MAST2: variants seen among roughly 807,000 people sequenced by gnomAD.
The protein encoded by MAST2 is microtubule-associated serine/threonine-protein kinase 2.
A neutral mutation model predicts 147.4 loss-of-function variants in MAST2; 70 were observed. The observed-to-expected ratio is 0.47, with a 90% confidence interval of 0.39 to 0.58. MAST2 has a LOEUF of 0.58. Ranked by LOEUF, MAST2 falls within the 20% of genes least tolerant of loss-of-function variation. The probability of loss-of-function intolerance (pLI) is 0.00; values close to 1 mark genes in which losing one functional copy is unlikely to be tolerated. For synonymous variants in MAST2, 869 were observed against 896.8 expected, an observed-to-expected ratio of 0.97 and a Z score of 0.55; for missense variants, 2,080 against 2,302.3, an observed-to-expected ratio of 0.90 and a Z score of 1.98.
At chr1:45,882,672 T>C (rs973880955) in intron 4 of MAST2, among the ~76,000 whole-genome samples, 32 of 152,376 alleles carry the variant, frequency 2.1e-4, no homozygotes, top group Non-Finnish European at 4.3e-4. Flanking sequence ...CACAGTCTTA[T>C]ACTTGTGCTT....
chr1:45,934,863 TG>T (rs1487423945), intron 4 of MAST2, among the ~76,000 whole-genome samples: 1 of 152,266 alleles, frequency 6.6e-6, no homozygotes, highest in African/African-American at 2.4e-5. Flanking sequence ...GATGAACATG[TG>T]AGTGCATATG....
chr1:46,023,590 T>C lies in MAST2; in HGVS notation c.1572-182T>C, dbSNP rs1557495346. 1.6e-6 allele frequency: 1 copy of C among 637,174 alleles called. No individual in the cohort carries two copies. Among genetic ancestry groups the C allele is most frequent in the Admixed American group, 2.9e-5 (1 of 34,906 alleles). The allele number at this position is 637,174 out of a possible 1,614,324, so 39.5% of individuals were successfully genotyped here. A position where few individuals can be genotyped will look rare whatever the true frequency, so the allele number is the denominator to read the frequency against. On this transcript the variant is annotated intron_variant, in intron 14 of 28. Transcript: ENST00000361297. This position sits in a 1 kb window ranked among gnomAD's most constrained non-coding sequence, Gnocchi z 4.9. Reference sequence around the variant, plus strand: ...ATTGAGCCGTGTCATCAGGACATGGTCTATCAAGAAGTTTAAGAGTTCTAT... The same window carrying C: ...ATTGAGCCGTGTCATCAGGACATGGCCTATCAAGAAGTTTAAGAGTTCTAT...
At chr1:45,881,003 A>G (rs1050308244) in intron 3 of MAST2, among the ~76,000 whole-genome samples, 5 of 151,848 alleles carry the variant, frequency 3.3e-5, no homozygotes, top group Admixed American at 6.6e-5. Context: ...AAGCAAATCT[A>G]TAAAATGTTT....
chr1:45,879,035 A>C (rs1409396790), intron 3 of MAST2, among the ~76,000 whole-genome samples: 1 of 151,972 alleles, frequency 6.6e-6, no homozygotes, highest in Non-Finnish European at 1.5e-5. Context: ...AAGTTAAAGG[A>C]CTGTACAATC....
At chr1:45,924,908 T>C (rs1654121120) in intron 4 of MAST2, among the ~76,000 whole-genome samples, 1 of 152,162 alleles carries the variant, frequency 6.6e-6, no homozygotes, top group South Asian at 2.1e-4. Context: ...AATGAGGTCA[T>C]AGAAGAAACC....
chr1:45,926,500 C>T (rs1478175510), intron 4 of MAST2, among the ~76,000 whole-genome samples: 3 of 152,210 alleles, frequency 2.0e-5, no homozygotes, highest in African/African-American at 7.2e-5. Context: ...TGCCCTCCTG[C>T]CCTCTCATGC....
At chr1:45,930,387 G>GT (rs916477476) in intron 4 of MAST2, among the ~76,000 whole-genome samples, 93 of 98,850 alleles carry the variant, frequency 9.4e-4, no homozygotes, top group Middle Eastern at 8.4e-3. Context: ...CCTGTTTTTT[G>GT]TTTTTTTTGT....
intron 4 of MAST2, among the ~76,000 whole-genome samples, chr1:45,941,050 G>A (rs955442614): frequency 1.3e-5 from 2 of 152,124 alleles, no homozygotes; most frequent in South Asian, 4.1e-4. Flanking sequence ...TGGTCTTAAG[G>A]TTTTAGCAGG....
Position 45,929,644 on chromosome 1 carries a change from A to AGGAT in MAST2, c.501-29739_501-29736dup. ...TCCTGATGGCCTCATTTTGGTAGAT[A>AGGAT]GGATGGGCTTAGGGCTAGAGAGTCC... On this transcript the variant is annotated intron_variant, in intron 4 of 28. Coordinates refer to ENST00000361297, the MANE Select transcript of MAST2 (RefSeq NM_015112.3). Among the ~76,000 whole-genome samples the AGGAT allele has an allele frequency of 3.3e-5, 5 of 152,320 alleles. No individual in the cohort carries two copies. The Middle Eastern group carries it at 0.014, about 414-fold the overall frequency.
intron 5 of MAST2, among the ~76,000 whole-genome samples, chr1:45,993,587 G>T (rs1256694803): frequency 1.3e-5 from 2 of 152,162 alleles, no homozygotes; most frequent in Non-Finnish European, 2.9e-5. Flanking sequence ...GGGAGGCTAA[G>T]GCAGGAGAAT....
chr1:45,923,920 G>A (rs1192764496), intron 4 of MAST2, among the ~76,000 whole-genome samples: 1 of 152,076 alleles, frequency 6.6e-6, no homozygotes, highest in Non-Finnish European at 1.5e-5. Context: ...CACCTAGGCT[G>A]GAGTGCAGTA....
chr1:45,961,695 G>A (rs1456690058), intron 5 of MAST2, among the ~76,000 whole-genome samples: 1 of 152,156 alleles, frequency 6.6e-6, no homozygotes, highest in African/African-American at 2.4e-5. Flanking sequence ...TACTTATCCA[G>A]CTGTTGAGAC....
In MAST2 at chr1:45,956,866, G is replaced by C. The variant is rs188941420; in HGVS notation, c.501-2520G>C. On this transcript the variant is annotated intron_variant, in intron 4 of 28. Coordinates refer to ENST00000361297, the MANE Select transcript of MAST2 (RefSeq NM_015112.3). ...TTGAGCACAGTTCATATCATCTCTT[G>C]GCATACATACCCAAAACATCTAGTG... Among the ~76,000 whole-genome samples, 77 of 152,166 alleles carry C rather than the reference G, an allele frequency of 5.1e-4. 2 individuals carry two copies. Among genetic ancestry groups the C allele is most frequent in the African/African-American group, 1.8e-3 (76 of 41,516 alleles).
chr1:46,016,761 A>G (rs980040111), intron 10 of MAST2, among the ~76,000 whole-genome samples: 1 of 152,254 alleles, frequency 6.6e-6, no homozygotes, highest in African/African-American at 2.4e-5. Context: ...GGTAATTTTT[A>G]TAGATTCAAC....
At chr1:45,936,055 C>T (rs1656142876) in intron 4 of MAST2, among the ~76,000 whole-genome samples, 1 of 152,122 alleles carries the variant, frequency 6.6e-6, no homozygotes, top group Non-Finnish European at 1.5e-5. Context: ...TTGTTTGTGT[C>T]ATTTCTGACT....
At chr1:45,897,619 G>A (rs1648956010) in intron 4 of MAST2, among the ~76,000 whole-genome samples, 2 of 152,144 alleles carry the variant, frequency 1.3e-5, no homozygotes, top group African/African-American at 4.8e-5. Flanking sequence ...GACCAGCCTG[G>A]GCAACATGGC....
rs1235468267 is a variant in MAST2 at position 46,006,375 on chromosome 1, G to A, written c.882G>A (p.Arg294=). ...AAGGACGGCAGTCCCCAGCCATGCG[G>A]CCTCGCTCCCGGAGCCTCAGGTGAG... ...DEEGRQSPAM[R]PRSRSLSPGR... is the part of the protein sequence containing the mutation. The change falls in exon 8 of 29, where the codon CGG becomes CGA. Residue 294 remains arginine, a synonymous_variant. Coordinates refer to ENST00000361297, the MANE Select transcript of MAST2 (RefSeq NM_015112.3). 13 of 1,613,082 alleles carry A rather than the reference G, an allele frequency of 8.1e-6. No homozygotes were observed. The highest frequency in any genetic ancestry group is 1.0e-5 in the Non-Finnish European group (12 of 1,179,462).
intron 10 of MAST2, among the ~76,000 whole-genome samples, chr1:46,014,866 AT>A (rs1324419384): frequency 6.6e-6 from 1 of 152,228 alleles, no homozygotes; most frequent in Non-Finnish European, 1.5e-5. Flanking sequence ...AATCAACAGA[AT>A]ATACATTTTT....
chr1:45,840,847 T>C (rs1645251322), intron 3 of MAST2, among the ~76,000 whole-genome samples: 1 of 152,218 alleles, frequency 6.6e-6, no homozygotes, highest in South Asian at 2.1e-4. Context: ...CCCATCAGGC[T>C]ACTTCTGTAT....
Sources: allele counts gnomAD v4.1 joint callset (sites outside exome capture counted in the v4.1 genomes callset), GRCh38; gene constraint gnomAD v4.1.1; non-coding constraint Gnocchi (gnomAD v3.1); transcripts MANE v1.5; gene names NCBI Gene and HGNC (gene_info 2026-07-23, HGNC 2026-07-21).